HS2ST1: variants seen among roughly 807,000 people sequenced by gnomAD.
The protein encoded by HS2ST1 is 2-O-sulfotransferase.
In HS2ST1, 18 loss-of-function variants were observed where a neutral mutation model predicts 42.9. The ratio of observed to expected loss-of-function variants is 0.42; its 90% confidence interval spans 0.29 to 0.62. The LOEUF (loss-of-function observed/expected upper bound fraction) is 0.62. Ranked by LOEUF, HS2ST1 falls within the 20% of genes least tolerant of loss-of-function variation. HS2ST1 has a pLI of 0.21. For missense variants in HS2ST1, 334 were observed against 433.8 expected (o/e 0.77, Z 2.04); for synonymous variants, 146 against 152.9 (o/e 0.95, Z 0.33).
chr1:87,038,132 G>T (rs936431533), intron 1 of HS2ST1, among the ~76,000 whole-genome samples: 1 of 151,842 alleles, frequency 6.6e-6, no homozygotes, highest in Non-Finnish European at 1.5e-5. Flanking sequence ...ATTTAGTTAG[G>T]TCACAACCAT....
At chr1:86,988,043 C>T (rs1384912604) in intron 1 of HS2ST1, among the ~76,000 whole-genome samples, 4 of 152,180 alleles carry the variant, frequency 2.6e-5, no homozygotes, top group African/African-American at 9.7e-5. Context: ...TCTCTCTCAC[C>T]TCAGCTCCAT....
At chr1:87,008,091 T>C (rs1649492926) in intron 1 of HS2ST1, among the ~76,000 whole-genome samples, 1 of 152,194 alleles carries the variant, frequency 6.6e-6, no homozygotes, top group South Asian at 2.1e-4. Flanking sequence ...AATATTTTAA[T>C]AGAAAATTAC....
intron 3 of HS2ST1, among the ~76,000 whole-genome samples, chr1:87,092,211 T>TTA (rs1459316214): frequency 6.6e-6 from 1 of 152,060 alleles, no homozygotes; most frequent in Non-Finnish European, 1.5e-5. Context: ...CTACTTGGAC[T>TTA]TAAAGTATAA....
chr1:86,937,931 A>G (rs1021091409), intron 1 of HS2ST1, among the ~76,000 whole-genome samples: 4 of 152,166 alleles, frequency 2.6e-5, no homozygotes, highest in Non-Finnish European at 4.4e-5. Context: ...GATCTTAACT[A>G]TATAATAAAA....
At chr1:86,949,769 A>G (rs1235044091) in intron 1 of HS2ST1, among the ~76,000 whole-genome samples, 1 of 152,152 alleles carries the variant, frequency 6.6e-6, no homozygotes, top group Non-Finnish European at 1.5e-5. Context: ...CTTACATTGG[A>G]CACTGTTGTT....
intron 1 of HS2ST1, among the ~76,000 whole-genome samples, chr1:86,947,120 C>T (rs1647362191): frequency 6.6e-6 from 1 of 152,200 alleles, no homozygotes; most frequent in Non-Finnish European, 1.5e-5. Context: ...GGGATGCAGA[C>T]AGGAACCTTA....
chr1:87,086,801 G>A (rs1211190825), intron 3 of HS2ST1, among the ~76,000 whole-genome samples: 2 of 150,918 alleles, frequency 1.3e-5, no homozygotes, highest in Non-Finnish European at 3.0e-5. Context: ...CTTATTCTTT[G>A]ATTTTTTTAA....
chr1:87,082,110 A>G (rs1406636383), intron 2 of HS2ST1, among the ~76,000 whole-genome samples: 1 of 152,224 alleles, frequency 6.6e-6, no homozygotes, highest in Non-Finnish European at 1.5e-5. Flanking sequence ...ATTAGAGGCT[A>G]CTATGAGCAA....
chr1:87,062,722 G>C (rs897031518), intron 1 of HS2ST1, among the ~76,000 whole-genome samples: 6 of 151,726 alleles, frequency 4.0e-5, no homozygotes, highest in Non-Finnish European at 7.4e-5. Context: ...AGTCTTTTAG[G>C]GTAGGTCTAC....
intron 1 of HS2ST1, among the ~76,000 whole-genome samples, chr1:86,940,708 C>T (rs991328290): frequency 2.6e-5 from 4 of 152,134 alleles, no homozygotes; most frequent in Admixed American, 1.3e-4. Context: ...AACACACTGG[C>T]GACTGGGCAC....
At chr1:87,089,923 G>A (rs1479566313) in intron 3 of HS2ST1, among the ~76,000 whole-genome samples, 2 of 152,036 alleles carry the variant, frequency 1.3e-5, no homozygotes, top group Non-Finnish European at 2.9e-5. Flanking sequence ...GGAAACATTG[G>A]TAGGAGATGT....
At chr1:87,077,270 A>G (rs1651569862) in intron 2 of HS2ST1, among the ~76,000 whole-genome samples, 1 of 152,182 alleles carries the variant, frequency 6.6e-6, no homozygotes, top group Non-Finnish European at 1.5e-5. Context: ...CAAAATCCAC[A>G]TTTCTTACAT....
At chr1:87,071,041 T>G (rs1412288753) in intron 1 of HS2ST1, among the ~76,000 whole-genome samples, 1 of 152,216 alleles carries the variant, frequency 6.6e-6, no homozygotes, top group Non-Finnish European at 1.5e-5. Context: ...CATTTTCAGT[T>G]CATACCTTCC....
chr1:86,936,877 C>T (rs1376194170), intron 1 of HS2ST1, among the ~76,000 whole-genome samples: 2 of 147,888 alleles, frequency 1.4e-5, no homozygotes, highest in African/African-American at 2.5e-5. Context: ...GGGCGGATCA[C>T]GTGAGGTCAG....
chr1:87,015,492 G>T (rs548993205), intron 1 of HS2ST1, among the ~76,000 whole-genome samples: 13 of 151,722 alleles, frequency 8.6e-5, no homozygotes, highest in Non-Finnish European at 1.6e-4. Flanking sequence ...GACTACAGGT[G>T]CCCCACCACG....
intron 1 of HS2ST1, among the ~76,000 whole-genome samples, chr1:86,938,913 C>G (rs1660709723): frequency 6.6e-6 from 1 of 152,150 alleles, no homozygotes; most frequent in African/African-American, 2.4e-5. Flanking sequence ...AGTAATTCAA[C>G]TGGTAGAAGA....
chr1:86,975,396 T>C (rs544388192), intron 1 of HS2ST1, among the ~76,000 whole-genome samples: 1 of 152,138 alleles, frequency 6.6e-6, no homozygotes, highest in African/African-American at 2.4e-5. Flanking sequence ...TTAATTTTTC[T>C]TTTCTCTGAT....
At chr1:87,061,107 T>G (rs899382321) in intron 1 of HS2ST1, among the ~76,000 whole-genome samples, 4 of 152,178 alleles carry the variant, frequency 2.6e-5, no homozygotes, top group African/African-American at 9.6e-5. Flanking sequence ...CAAAAATTTA[T>G]TGTACATGAA....
chr1:86,991,212 C>G (rs1312228501), intron 1 of HS2ST1, among the ~76,000 whole-genome samples: 2 of 151,826 alleles, frequency 1.3e-5, no homozygotes, highest in Admixed American at 6.6e-5. Flanking sequence ...CACTCTGATG[C>G]CATCTGTTAC....
Sources: allele counts gnomAD v4.1 joint callset (sites outside exome capture counted in the v4.1 genomes callset), GRCh38; gene constraint gnomAD v4.1.1; transcripts MANE v1.5; gene names NCBI Gene and HGNC (gene_info 2026-07-23, HGNC 2026-07-21).